Variants in WNK1 observed in about 807,000 individuals in gnomAD.
The protein encoded by WNK1 is serine/threonine-protein kinase WNK1.
WNK1 carries 38 observed loss-of-function variants against 222.8 expected under a neutral mutation model. The observed-to-expected ratio is 0.17, with a 90% confidence interval of 0.13 to 0.22. The LOEUF (loss-of-function observed/expected upper bound fraction) is 0.22, where lower values mean the gene tolerates loss of function less well. WNK1 is among the 10% of genes least tolerant of loss of function. WNK1 has a pLI of 1.00. For missense variants in WNK1, 2,348 were observed against 2,918.4 expected (o/e 0.80, Z 4.50); for synonymous variants, 1,090 against 1,092.9 (o/e 1.00, Z 0.05).
Position 752,612 on chromosome 12 carries a change from C to A in WNK1, c.-954C>A, listed in dbSNP as rs993791255. Reference sequence around the variant, plus strand: ...GGCGCCATTTAGCGCGGAGAGTTTCCCGGGTGGACGCGGCTCCTCTCTCGG... The same window carrying A: ...GGCGCCATTTAGCGCGGAGAGTTTCACGGGTGGACGCGGCTCCTCTCTCGG... On this transcript the variant is annotated 5_prime_UTR_variant, in exon 1 of 28. Coordinates refer to ENST00000315939, the MANE Select transcript of WNK1 (RefSeq NM_018979.4). The A allele has an allele frequency of 1.3e-5, 2 of 152,382 alleles. No individual in the cohort carries two copies. Among genetic ancestry groups the A allele is most frequent in the Admixed American group, 6.5e-5 (1 of 15,304 alleles). The allele number at this position is 152,382 out of a possible 1,614,324, so 9.4% of individuals were successfully genotyped here. A position where few individuals can be genotyped will look rare whatever the true frequency, so the allele number is the denominator to read the frequency against.
At chr12:842,389 G>C (rs1053343273) in intron 4 of WNK1, among the ~76,000 whole-genome samples, 2 of 152,146 alleles carry the variant, frequency 1.3e-5, no homozygotes, top group South Asian at 2.1e-4. Flanking sequence ...GCTATCCCAG[G>C]ACTAGAAAGG....
In WNK1 at chr12:908,643, G is replaced by C; in HGVS notation, c.7000G>C (p.Gly2334Arg). The change falls in exon 28 of 28, where the codon GGC (glycine) becomes CGC (arginine). Residue 2334 changes from glycine (G) to arginine (R), a missense_variant. This residue lies in a region of WNK1 where 76 missense variants were observed against 85.7 expected (regional missense o/e 0.89). Transcript: ENST00000315939. ...GTATGGCTTTCCAGCTACCCCATTT[G>C]GCGCTCAATGGAGTGGGACGGGTGG... ...QQYGFPATPFGAQWSGTGGPA... is the reference protein window; with the variant it reads ...QQYGFPATPFRAQWSGTGGPA... 1 of 1,614,202 alleles carries C rather than the reference G, an allele frequency of 6.2e-7. No homozygotes were observed. The highest frequency in any genetic ancestry group is 8.5e-7 in the Non-Finnish European group (1 of 1,180,034).
chr12:875,189 A>G (rs1037061827), intron 9 of WNK1, among the ~76,000 whole-genome samples: 2 of 152,148 alleles, frequency 1.3e-5, no homozygotes, highest in African/African-American at 2.4e-5. Context: ...TATGAGCATA[A>G]TTTTGAATTA....
chr12:833,182 A>T (rs1297287431), intron 4 of WNK1, among the ~76,000 whole-genome samples: 3 of 152,146 alleles, frequency 2.0e-5, no homozygotes, highest in African/African-American at 4.8e-5. Context: ...TACCTCTTAG[A>T]TGCAAGCCTT....
intron 14 of WNK1, 144 bp from the exon 15 acceptor site, chr12:882,799 A>G: frequency 1.5e-6 from 1 of 659,276 alleles, no homozygotes; most frequent in South Asian, 1.7e-5. Flanking sequence ...AGTTTAAGAG[A>G]CAAAGTACTA....
At chr12:902,451 C>T (rs1346617770) in intron 26 of WNK1, among the ~76,000 whole-genome samples, 1 of 152,112 alleles carries the variant, frequency 6.6e-6, no homozygotes, top group Non-Finnish European at 1.5e-5. Context: ...TAAGCAGCTA[C>T]CAGTTGAAAA....
At chr12:825,726 TAAAC>T (rs1005993296) in intron 2 of WNK1, among the ~76,000 whole-genome samples, 18 of 152,250 alleles carry the variant, frequency 1.2e-4, no homozygotes, top group Admixed American at 6.5e-4. Context: ...TTACAAAAAT[TAAAC>T]AAATTCAGGA....
chr12:906,922 G>GTAGCTTGGGA, intron 26 of WNK1: 1 of 207,254 alleles, frequency 4.8e-6, no homozygotes, highest in Non-Finnish European at 8.4e-6. Flanking sequence ...CTAGTCCCAA[G>GTAGCTTGGGA]CTACTTGGGA....
Position 896,645 on chromosome 12 carries a change from C to T in WNK1, c.6158C>T (p.Ser2053Leu), listed in dbSNP as rs1389323868. 1 of 1,608,120 alleles carries T rather than the reference C, an allele frequency of 6.2e-7. No individual in the cohort carries two copies. Among genetic ancestry groups the T allele is most frequent in the Non-Finnish European group, 8.5e-7 (1 of 1,178,234 alleles). Residue 2053 changes from serine (S) to leucine (L), a missense_variant, in exon 24 of 28, where the codon TCA becomes TTA. By Grantham distance (145) the Ser-to-Leu change is moderately radical (BLOSUM62 -2). Transcript: ENST00000315939. The part of the protein sequence containing the change: ...SQNLSQSLSN[S>L]FNSSYMSSDN... Reference sequence around the variant, plus strand: ...AATCTAAGTCAAAGCCTTAGTAATTCATTTAACTCCTCTTACATGAGTAGC... The same window carrying T: ...AATCTAAGTCAAAGCCTTAGTAATTTATTTAACTCCTCTTACATGAGTAGC...
At chr12:807,741 A>G (rs1325133444) in intron 1 of WNK1, among the ~76,000 whole-genome samples, 3 of 92,662 alleles carry the variant, frequency 3.2e-5, no homozygotes, top group African/African-American at 1.3e-4. Context: ...TTTTTTTGAG[A>G]CGGAATCTGG....
At chr12:817,920 C>G (rs1175451515) in intron 2 of WNK1, among the ~76,000 whole-genome samples, 2 of 151,858 alleles carry the variant, frequency 1.3e-5, no homozygotes, top group African/African-American at 4.8e-5. Flanking sequence ...CCACTGCACT[C>G]TAGCCTGGGT....
intron 3 of WNK1, among the ~76,000 whole-genome samples, chr12:828,554 T>C (rs900578439): frequency 4.6e-5 from 7 of 152,142 alleles, no homozygotes; most frequent in Non-Finnish European, 1.0e-4. Context: ...ACCCACTAGA[T>C]ACCAGTAGCA....
At chr12:861,418 A>C in intron 7 of WNK1, 75 bp downstream of exon 7, 1 of 1,440,410 alleles carries the variant, frequency 6.9e-7, no homozygotes, top group East Asian at 2.3e-5. Flanking sequence ...GTTATTTTGC[A>C]CTGGCTTTTT....
Position 827,575 on chromosome 12 carries a change from C to G in WNK1, c.1153+313C>G, listed in dbSNP as rs1012925687. The G allele has an allele frequency of 2.4e-6, 1 of 424,710 alleles. No individual in the cohort carries two copies. The highest frequency in any genetic ancestry group is 3.1e-5 in the South Asian group (1 of 31,874). 26.3% of individuals were successfully genotyped at this position (424,710 alleles called of 1,614,324 possible). ...ATGGAGTCTCTCTCTGTCACCCAGGCTAGAGTGCAGTGGCACAATCTCAGC... is the reference window on the plus strand; with the variant it reads ...ATGGAGTCTCTCTCTGTCACCCAGGGTAGAGTGCAGTGGCACAATCTCAGC... On this transcript the variant is annotated intron_variant, in intron 3 of 27. Transcript: ENST00000315939. The surrounding 1 kb of genome is among the most constrained non-coding windows in gnomAD (Gnocchi z 4.6).
At chr12:819,680 C>G (rs1947679252) in intron 2 of WNK1, among the ~76,000 whole-genome samples, 1 of 152,148 alleles carries the variant, frequency 6.6e-6, no homozygotes, top group African/African-American at 2.4e-5. Flanking sequence ...AAGTTTTCTT[C>G]TAAGAGTTCT....
At chr12:889,040 C>T in intron 20 of WNK1, 100 bp from the exon 21 acceptor site, 2 of 893,790 alleles carry the variant, frequency 2.2e-6, no homozygotes, top group Non-Finnish European at 1.9e-6. Flanking sequence ...TATGTTGTGC[C>T]AATATAAAGC....
At chr12:894,477 G>T in intron 22 of WNK1, 85 bp from the exon 23 acceptor site, 1 of 1,168,018 alleles carries the variant, frequency 8.6e-7, no homozygotes, top group South Asian at 1.2e-5. Context: ...TGTGTAGTTT[G>T]ATTTTGCTGT....
intron 4 of WNK1, among the ~76,000 whole-genome samples, chr12:844,893 T>C (rs1018262080): frequency 7.6e-6 from 1 of 131,556 alleles, no homozygotes. Flanking sequence ...ACCTTCTCTT[T>C]TTTTTTTTTT....
intron 1 of WNK1, among the ~76,000 whole-genome samples, chr12:774,988 G>A (rs1942939636): frequency 6.6e-6 from 1 of 151,894 alleles, no homozygotes; most frequent in African/African-American, 2.4e-5. Flanking sequence ...CCATCAAATT[G>A]GTTAGTCATC....
Sources: allele counts gnomAD v4.1 joint callset (sites outside exome capture counted in the v4.1 genomes callset), GRCh38; gene constraint gnomAD v4.1.1; regional missense constraint gnomAD v4.1.1; non-coding constraint Gnocchi (gnomAD v3.1); transcripts MANE v1.5; gene names NCBI Gene and HGNC (gene_info 2026-07-23, HGNC 2026-07-21).